Variants in SORCS2 observed in about 807,000 individuals in gnomAD.
The protein encoded by SORCS2 is sortilin related VPS10 domain containing receptor 2.
Under a neutral mutation model 141.6 loss-of-function variants are expected in SORCS2, and 100 were observed. The ratio of observed to expected loss-of-function variants is 0.71; its 90% CI spans 0.60 to 0.83. The LOEUF (loss-of-function observed/expected upper bound fraction) is 0.83, where lower values mean the gene tolerates loss of function less well. Among genes scored for constraint, SORCS2 ranks in the 40% least tolerant of loss-of-function variants. The pLI is 0.00. For missense variants in SORCS2, 1,646 were observed against 1,560.2 expected (o/e 1.05, Z -0.93); for synonymous variants, 789 against 676.9 (o/e 1.17, Z -2.57).
intron 1 of SORCS2, chr4:7,382,122 T>G (rs1460269491): frequency 5.2e-6 from 2 of 383,596 alleles, no homozygotes; most frequent in African/African-American, 4.4e-5. Context: ...GTGCTGCTGG[T>G]GGAGCGGGGA....
At chr4:7,496,443 C>A (rs1320395814) in intron 2 of SORCS2, among the ~76,000 whole-genome samples, 1 of 125,158 alleles carries the variant, frequency 8.0e-6, no homozygotes, top group Non-Finnish European at 1.7e-5. Flanking sequence ...CCCCCCCACT[C>A]CCCACCCGTT....
intron 1 of SORCS2, among the ~76,000 whole-genome samples, chr4:7,324,894 C>T (rs917528615): frequency 6.6e-6 from 1 of 152,192 alleles, no homozygotes; most frequent in African/African-American, 2.4e-5. Flanking sequence ...CTGGTGGCAG[C>T]GTGGGGTGCT....
chr4:7,576,629 G>C (rs548398156), intron 3 of SORCS2, among the ~76,000 whole-genome samples: 1 of 152,246 alleles, frequency 6.6e-6, no homozygotes, highest in South Asian at 2.1e-4. Flanking sequence ...CTAAGACGTG[G>C]TGACAGAGGG....
At chr4:7,569,441 G>T (rs1416820331) in intron 3 of SORCS2, among the ~76,000 whole-genome samples, 1 of 152,210 alleles carries the variant, frequency 6.6e-6, no homozygotes, top group African/African-American at 2.4e-5. Context: ...GAACCTGGGA[G>T]GCGGAGGTTG....
intron 3 of SORCS2, among the ~76,000 whole-genome samples, chr4:7,632,916 G>A (rs1719993155): frequency 6.6e-6 from 1 of 152,134 alleles, no homozygotes; most frequent in Admixed American, 6.5e-5. Context: ...AGGGCTTCCT[G>A]GAAAAGGTGC....
intron 2 of SORCS2, among the ~76,000 whole-genome samples, chr4:7,403,989 ATATATATATTTTT>A (rs1364995748): frequency 0.015 from 113 of 7,756 alleles, no homozygotes; most frequent in Non-Finnish European, 0.034. Context: ...ATATATATAT[ATATATATATTTTT>A]TTTTTTTTTT....
At chr4:7,572,348 A>G (rs2109715066) in intron 3 of SORCS2, among the ~76,000 whole-genome samples, 1 of 152,318 alleles carries the variant, frequency 6.6e-6, no homozygotes, top group Non-Finnish European at 1.5e-5. Flanking sequence ...AAACATACAC[A>G]CAGTTTACAC....
At chr4:7,590,376 T>C (rs115586117) in intron 3 of SORCS2, among the ~76,000 whole-genome samples, 2,598 of 152,284 alleles carry the variant, frequency 0.017, 34 homozygotes, top group Middle Eastern at 0.031. Flanking sequence ...ATTTGCTAAC[T>C]TTAAGAAGGA....
chr4:7,456,052 G>A (rs1000219318), intron 2 of SORCS2, among the ~76,000 whole-genome samples: 76 of 152,206 alleles, frequency 5.0e-4, no homozygotes, highest in East Asian at 3.9e-4. Context: ...CTCCCTCCCC[G>A]GCTTGCAGAT....
At chr4:7,422,560 G>T (rs1253962212) in intron 2 of SORCS2, among the ~76,000 whole-genome samples, 1 of 152,092 alleles carries the variant, frequency 6.6e-6, no homozygotes, top group East Asian at 1.9e-4. Flanking sequence ...GTGGTCCCAG[G>T]CCCCCTTGGT....
At chr4:7,424,520 T>G (rs1465350848) in intron 2 of SORCS2, among the ~76,000 whole-genome samples, 1 of 152,194 alleles carries the variant, frequency 6.6e-6, no homozygotes, top group African/African-American at 2.4e-5. Flanking sequence ...AATGCAGGCT[T>G]GGAAAGATCT....
chr4:7,623,765 T>C lies in SORCS2; in HGVS notation c.649-14563T>C, dbSNP rs147581354. On this transcript the variant is annotated intron_variant, in intron 3 of 26. Transcript: ENST00000507866. ...GGGTTCACGGCTGCCGCTTATGCGCTTTGTCGGTCTTTGCCTGTTCACTAG... is the reference window on the plus strand; with the variant it reads ...GGGTTCACGGCTGCCGCTTATGCGCCTTGTCGGTCTTTGCCTGTTCACTAG... Among the ~76,000 whole-genome samples, 494 of 152,296 alleles carry C rather than the reference T, an allele frequency of 3.2e-3. 2 individuals carry two copies. Among genetic ancestry groups the C allele is most frequent in the African/African-American group, 0.011 (470 of 41,578 alleles).
intron 3 of SORCS2, among the ~76,000 whole-genome samples, chr4:7,631,848 C>T (rs894285417): frequency 1.3e-5 from 2 of 151,944 alleles, no homozygotes; most frequent in South Asian, 4.2e-4. Flanking sequence ...CCGCTGCAGA[C>T]TTCTGGAAGC....
At chr4:7,512,556 G>A (rs754832498) in intron 2 of SORCS2, among the ~76,000 whole-genome samples, 18 of 152,170 alleles carry the variant, frequency 1.2e-4, no homozygotes, top group South Asian at 2.1e-4. Context: ...TAGATCCTCC[G>A]GATTGGGCCC....
intron 12 of SORCS2, among the ~76,000 whole-genome samples, chr4:7,700,355 C>A (rs1273725077): frequency 6.6e-6 from 1 of 152,214 alleles, no homozygotes; most frequent in Non-Finnish European, 1.5e-5. Context: ...ACCCAGTGGG[C>A]AAGTCACTGT....
At chr4:7,421,416 C>T (rs768798643) in intron 2 of SORCS2, among the ~76,000 whole-genome samples, 1 of 152,172 alleles carries the variant, frequency 6.6e-6, no homozygotes, top group African/African-American at 2.4e-5. Context: ...GACTTTCCCC[C>T]TCTGAGCCTG....
intron 10 of SORCS2, among the ~76,000 whole-genome samples, chr4:7,684,476 A>C (rs1288548282): frequency 6.6e-6 from 1 of 151,232 alleles, no homozygotes; most frequent in Non-Finnish European, 1.5e-5. Flanking sequence ...ACACCTGAAA[A>C]CCCTACCCAC....
At chr4:7,452,053 T>C (rs947221892) in intron 2 of SORCS2, among the ~76,000 whole-genome samples, 8 of 151,904 alleles carry the variant, frequency 5.3e-5, no homozygotes, top group African/African-American at 1.9e-4. Context: ...TGCACAGCCT[T>C]CCCCTCACCA....
intron 2 of SORCS2, among the ~76,000 whole-genome samples, chr4:7,526,780 A>C (rs1203854728): frequency 3.3e-5 from 5 of 152,000 alleles, no homozygotes; most frequent in African/African-American, 1.2e-4. Flanking sequence ...TCTCATTTCT[A>C]CTCCATTTGC....
Sources: allele counts gnomAD v4.1 joint callset (sites outside exome capture counted in the v4.1 genomes callset), GRCh38; gene constraint gnomAD v4.1.1; transcripts MANE v1.5; gene names NCBI Gene and HGNC (gene_info 2026-07-23, HGNC 2026-07-21).